Variants in PRIM2 observed in about 807,000 individuals in gnomAD.
PRIM2 encodes DNA primase subunit 2, also known as DNA primase large subunit.
PRIM2 carries 39 observed loss-of-function variants against 67.3 expected under a neutral mutation model. The ratio of observed to expected loss-of-function variants is 0.58; its 90% CI spans 0.45 to 0.76. The LOEUF (loss-of-function observed/expected upper bound fraction) is 0.76, where lower values mean the gene tolerates loss of function less well. Among genes scored for constraint, PRIM2 ranks in the 30% least tolerant of loss-of-function variants. The probability of loss-of-function intolerance (pLI) is 0.00; values close to 1 mark genes in which losing one functional copy is unlikely to be tolerated. For synonymous variants in PRIM2, 143 were observed against 198.7 expected (o/e 0.72, Z 2.36); for missense variants, 398 against 598.7 (o/e 0.66, Z 3.50).
intron 7 of PRIM2, among the ~76,000 whole-genome samples, chr6:57,440,472 G>A (rs1772168960): frequency 2.6e-5 from 4 of 152,102 alleles, no homozygotes; most frequent in Admixed American, 2.6e-4. Context: ...ATATTAAAAA[G>A]AATTAGAAGT....
At chr6:57,415,252 T>A (rs1271533601) in intron 7 of PRIM2, among the ~76,000 whole-genome samples, 1 of 152,206 alleles carries the variant, frequency 6.6e-6, no homozygotes, top group Admixed American at 6.5e-5. Flanking sequence ...TTCAGTCACC[T>A]TTTACTTGTT....
At chr6:57,258,010 C>T in the PRIM2 span, among the ~76,000 whole-genome samples, 2 of 152,128 alleles carry the variant, frequency 1.3e-5, no homozygotes, top group Non-Finnish European at 2.9e-5. Flanking sequence ...TGGTTCTCAT[C>T]GGCTGGTCTT....
intron 8 of PRIM2, among the ~76,000 whole-genome samples, chr6:57,527,720 C>T (rs1241547928): frequency 6.6e-6 from 1 of 152,146 alleles, no homozygotes; most frequent in East Asian, 1.9e-4. Context: ...ATCCCCCTGC[C>T]CCCCAGCTAT....
chr6:57,354,341 G>A (rs909469002), intron 5 of PRIM2, among the ~76,000 whole-genome samples: 5 of 152,156 alleles, frequency 3.3e-5, no homozygotes, highest in African/African-American at 7.2e-5. Context: ...TTTTTCTTCT[G>A]AGTATTGTGT....
At chr6:57,263,915 T>G in the PRIM2 span, among the ~76,000 whole-genome samples, 1 of 152,178 alleles carries the variant, frequency 6.6e-6, no homozygotes, top group African/African-American at 2.4e-5. Flanking sequence ...CACCCTCCCC[T>G]CCTGACTCAT....
intron 10 of PRIM2, among the ~76,000 whole-genome samples, chr6:57,551,625 G>T (rs1775405243): frequency 6.6e-6 from 1 of 151,972 alleles, no homozygotes; most frequent in Non-Finnish European, 1.5e-5. Context: ...CTATGTCCCA[G>T]GTGGTCTTCT....
chr6:57,309,297 C>G, the PRIM2 span, among the ~76,000 whole-genome samples: 1 of 118,732 alleles, frequency 8.4e-6, no homozygotes, highest in Non-Finnish European at 1.7e-5. Context: ...CCCCTCCCCC[C>G]ACCCCACCAC....
At chr6:57,642,123 A>G (rs1777247895) in intron 13 of PRIM2, among the ~76,000 whole-genome samples, 1 of 152,140 alleles carries the variant, frequency 6.6e-6, no homozygotes, top group South Asian at 2.1e-4. Flanking sequence ...CAGCAAACTA[A>G]CACAAGAACA....
At chr6:57,616,408 A>G (rs1299704315) in intron 12 of PRIM2, among the ~76,000 whole-genome samples, 12 of 152,068 alleles carry the variant, frequency 7.9e-5, no homozygotes, top group Non-Finnish European at 1.8e-4. Context: ...GTTTCTTACA[A>G]TACATTGTTC....
At chr6:57,314,439 C>T (rs1373810057), upstream of PRIM2, among the ~76,000 whole-genome samples, 3 of 152,176 alleles carry the variant, frequency 2.0e-5, no homozygotes, top group Non-Finnish European at 1.5e-5. Context: ...TTGCCTGAAC[C>T]CAGGAGTTGG....
the PRIM2 span, among the ~76,000 whole-genome samples, chr6:57,300,459 G>A: frequency 1.1e-4 from 16 of 151,998 alleles, no homozygotes; most frequent in African/African-American, 3.4e-4. Context: ...GTGTATGTGC[G>A]TGTGTGTGTG....
chr6:57,334,183 T>G (rs1768146479), intron 5 of PRIM2, among the ~76,000 whole-genome samples: 1 of 152,222 alleles, frequency 6.6e-6, no homozygotes, highest in South Asian at 2.1e-4. Flanking sequence ...GTGCCTGGCT[T>G]TATTTACTTA....
At chr6:57,327,083 T>C (rs1273367892) in intron 5 of PRIM2, among the ~76,000 whole-genome samples, 5 of 152,010 alleles carry the variant, frequency 3.3e-5, no homozygotes, top group African/African-American at 4.8e-5. Context: ...TTTGTATTTT[T>C]AGAGACGTAG....
chr6:57,260,566 G>A, the PRIM2 span, among the ~76,000 whole-genome samples: 1 of 152,130 alleles, frequency 6.6e-6, no homozygotes, highest in East Asian at 1.9e-4. Flanking sequence ...ATTATAGCAT[G>A]ATGTCATACG....
chr6:57,392,599 G>A (rs1477393175), intron 7 of PRIM2, among the ~76,000 whole-genome samples: 1 of 151,714 alleles, frequency 6.6e-6, no homozygotes, highest in Non-Finnish European at 1.5e-5. Flanking sequence ...TGGAATAGAA[G>A]GGCCACTAAT....
At chr6:57,252,837 C>T in the PRIM2 span, among the ~76,000 whole-genome samples, 2 of 152,226 alleles carry the variant, frequency 1.3e-5, no homozygotes, top group Non-Finnish European at 2.9e-5. Flanking sequence ...TTTTCCAATC[C>T]TTGAACCTCT....
At chr6:57,621,564 T>C (rs1776855499) in intron 12 of PRIM2, among the ~76,000 whole-genome samples, 1 of 152,172 alleles carries the variant, frequency 6.6e-6, no homozygotes, top group Non-Finnish European at 1.5e-5. Context: ...CAACTTAGCA[T>C]CTATTATATA....
chr6:57,306,455 AG>A, the PRIM2 span, among the ~76,000 whole-genome samples: 1 of 152,230 alleles, frequency 6.6e-6, no homozygotes, highest in Non-Finnish European at 1.5e-5. Context: ...GTAAGAACTT[AG>A]GTGAGGGTGC....
chr6:57,264,678 C>T, the PRIM2 span, among the ~76,000 whole-genome samples: 1 of 149,166 alleles, frequency 6.7e-6, no homozygotes, highest in African/African-American at 2.5e-5. Flanking sequence ...CTCACGGCAA[C>T]CTCCCCCTCC....
Sources: gnomAD v4.1 joint callset for allele counts (sites outside exome capture counted in the v4.1 genomes callset) on GRCh38, gnomAD v4.1.1 for gene constraint, MANE v1.5 for transcripts, NCBI Gene and HGNC (gene_info 2026-07-23, HGNC 2026-07-21) for gene names.